The following PFKFB3 variants were observed in gnomAD, a reference collection of about 807,000 sequenced individuals.
The protein encoded by PFKFB3 is 6-phosphofructo-2-kinase/fructose-2,6-biphosphatase 3.
A neutral mutation model predicts 68.0 loss-of-function variants in PFKFB3; 33 were observed. The ratio of observed to expected loss-of-function variants is 0.49; its 90% CI spans 0.37 to 0.65. The LOEUF is 0.65. Ranked by LOEUF, PFKFB3 falls within the 30% of genes least tolerant of loss-of-function variation. The pLI is 0.00. For synonymous variants in PFKFB3, 315 were observed against 288.2 expected (o/e 1.09, Z -0.94); for missense variants, 586 against 712.2 (o/e 0.82, Z 2.02).
upstream of PFKFB3, among the ~76,000 whole-genome samples, chr10:6,199,482 C>CTTTT (rs58813981): frequency 0.12 from 16,487 of 141,332 alleles, 2,082 homozygotes; most frequent in African/African-American, 0.32. Flanking sequence ...CAGGCACTTG[C>CTTTT]TTTTTTTTTT....
intron 14 of PFKFB3, among the ~76,000 whole-genome samples, chr10:6,244,531 G>A (rs1469895703): frequency 3.3e-5 from 5 of 152,232 alleles, no homozygotes; most frequent in African/African-American, 1.2e-4. Context: ...GGTGCTCTGG[G>A]GCAGGTCCTC....
chr10:6,236,789 C>T (rs1238849619), downstream of PFKFB3, among the ~76,000 whole-genome samples: 2 of 152,328 alleles, frequency 1.3e-5, no homozygotes, highest in African/African-American at 4.8e-5. Flanking sequence ...AGGTCCTGGG[C>T]CGGCCGGGCT....
chr10:6,172,361 C>A (rs1031077549), intron 1 of PFKFB3, among the ~76,000 whole-genome samples: 3 of 152,200 alleles, frequency 2.0e-5, no homozygotes, highest in Non-Finnish European at 4.4e-5. Context: ...TCTGCTGCAG[C>A]CCTGAGCTGG....
intron 1 of PFKFB3, among the ~76,000 whole-genome samples, chr10:6,206,847 G>T (rs56654879): frequency 9.6e-3 from 155 of 16,070 alleles, no homozygotes; most frequent in East Asian, 0.016. Context: ...ACGGGGTGGC[G>T]GCCGGGCAGA....
downstream of PFKFB3, among the ~76,000 whole-genome samples, chr10:6,239,822 C>T (rs374676668): frequency 8.9e-4 from 135 of 152,188 alleles, no homozygotes; most frequent in South Asian, 5.8e-3. Context: ...TTCAGGTGTG[C>T]GCCACCACGC....
At chr10:6,166,798 C>G (rs1332521755) in intron 1 of PFKFB3, among the ~76,000 whole-genome samples, 1 of 151,394 alleles carries the variant, frequency 6.6e-6, no homozygotes, top group Non-Finnish European at 1.5e-5. Context: ...CCACCTTTCC[C>G]ACTTCTCCTA....
In PFKFB3 at chr10:6,215,298, G is replaced by A. The variant is rs149555675; in HGVS notation, c.280G>A (p.Glu94Lys). Residue 94 changes from glutamate (E) to lysine (K), a missense_variant, in exon 3 of 15, where the codon GAA becomes AAA. Transcript: ENST00000379775. This position sits in a 1 kb window ranked among gnomAD's most constrained non-coding sequence, Gnocchi z 4.3. Reference sequence around the variant, plus strand: ...CAACTTCTTCCGCCCCGACAATGAGGAAGCCATGAAAGTCCGGAAGTAAGG... The same window carrying A: ...CAACTTCTTCCGCCCCGACAATGAGAAAGCCATGAAAGTCCGGAAGTAAGG... Reference protein sequence around the residue: ...SYNFFRPDNEEAMKVRKQCAL... With the variant: ...SYNFFRPDNEKAMKVRKQCAL... 5.2e-4 allele frequency: 846 copies of A among 1,613,824 alleles called. 3 individuals are homozygous for A. In the Middle Eastern group the frequency reaches 7.4e-3, roughly 14 times the overall value.
upstream of PFKFB3, among the ~76,000 whole-genome samples, chr10:6,200,675 GCGGGGGGTGGTGGT>G (rs1843315458): frequency 8.4e-6 from 1 of 118,988 alleles, no homozygotes; most frequent in Non-Finnish European, 1.9e-5. Context: ...GGGGGGGGGG[GCGGGGGGTGGTGGT>G]GGGGCGGGGA....
At chr10:6,240,795 T>C (rs1487979013) in intron 14 of PFKFB3, among the ~76,000 whole-genome samples, 1 of 152,190 alleles carries the variant, frequency 6.6e-6, no homozygotes, top group Non-Finnish European at 1.5e-5. Context: ...GAGTCCAGGG[T>C]GTCACCTTAT....
chr10:6,173,643 A>G (rs1842376641), intron 1 of PFKFB3, among the ~76,000 whole-genome samples: 1 of 151,970 alleles, frequency 6.6e-6, no homozygotes, highest in African/African-American at 2.4e-5. Context: ...GACAGAGGCA[A>G]AGGGGGTTTC....
intron 14 of PFKFB3, among the ~76,000 whole-genome samples, chr10:6,249,833 A>C (rs757449003): frequency 2.0e-5 from 3 of 152,200 alleles, no homozygotes; most frequent in Non-Finnish European, 4.4e-5. Context: ...AGTAAATTTT[A>C]AATATTCTCA....
At chr10:6,189,975 G>A (rs1447128406) in intron 1 of PFKFB3, among the ~76,000 whole-genome samples, 5 of 152,042 alleles carry the variant, frequency 3.3e-5, no homozygotes, top group East Asian at 3.9e-4. Flanking sequence ...ATGGAGTCTC[G>A]CTTTGTCATC....
At chr10:6,274,319 T>C in the PFKFB3 span, among the ~76,000 whole-genome samples, 1 of 152,172 alleles carries the variant, frequency 6.6e-6, no homozygotes, top group African/African-American at 2.4e-5. Context: ...CTGTAGCCCC[T>C]CTGGTCCTCC....
chr10:6,309,037 TAAAAA>T, the PFKFB3 span, among the ~76,000 whole-genome samples: 6 of 151,414 alleles, frequency 4.0e-5, no homozygotes, highest in African/African-American at 1.2e-4. Flanking sequence ...ACTGCACAAA[TAAAAA>T]AAAGAGAGGG....
intron 1 of PFKFB3, among the ~76,000 whole-genome samples, chr10:6,187,472 G>A (rs961764028): frequency 1.3e-5 from 2 of 152,150 alleles, no homozygotes; most frequent in Admixed American, 6.5e-5. Context: ...TTTATATTAC[G>A]CTGTCTCATG....
chr10:6,204,256 C>T (rs1322467186), intron 1 of PFKFB3, among the ~76,000 whole-genome samples: 1 of 152,250 alleles, frequency 6.6e-6, no homozygotes, highest in Non-Finnish European at 1.5e-5. Context: ...TAATGCGCCC[C>T]GGCTCCCATG....
chr10:6,326,297 G>A, the PFKFB3 span, among the ~76,000 whole-genome samples: 1 of 152,118 alleles, frequency 6.6e-6, no homozygotes, highest in African/African-American at 2.4e-5. Flanking sequence ...AGTGTGGGTG[G>A]TGGTGGTGGT....
chr10:6,287,174 T>C, the PFKFB3 span, among the ~76,000 whole-genome samples: 1 of 152,124 alleles, frequency 6.6e-6, no homozygotes. Flanking sequence ...GCAACCTCCA[T>C]CTTCTGGGTT....
the PFKFB3 span, among the ~76,000 whole-genome samples, chr10:6,273,480 G>T: frequency 1.3e-5 from 2 of 152,140 alleles, no homozygotes; most frequent in African/African-American, 4.8e-5. Context: ...TGAGGGGGCT[G>T]TCGGGAAACC....
Sources: allele counts gnomAD v4.1 joint callset (sites outside exome capture counted in the v4.1 genomes callset), GRCh38; gene constraint gnomAD v4.1.1; non-coding constraint Gnocchi (gnomAD v3.1); transcripts MANE v1.5; gene names NCBI Gene and HGNC (gene_info 2026-07-23, HGNC 2026-07-21).